Variants in MAPK10 observed in about 807,000 individuals in gnomAD.
MAPK10 encodes the protein mitogen-activated protein kinase 10.
Under a neutral mutation model 59.3 loss-of-function variants are expected in MAPK10, and 25 were observed. That is an observed-to-expected ratio of 0.42 (90% CI 0.31 to 0.59). The LOEUF (loss-of-function observed/expected upper bound fraction) is 0.59, where lower values mean the gene tolerates loss of function less well. MAPK10 is among the 20% of genes least tolerant of loss of function. The pLI is 0.15. For synonymous variants in MAPK10, 190 were observed against 200.5 expected (o/e 0.95, Z 0.44); for missense variants, 351 against 568.9 (o/e 0.62, Z 3.90).
intron 11 of MAPK10, 45 bp from the exon 12 acceptor site, chr4:86,031,476 C>T: frequency 7.5e-7 from 1 of 1,333,556 alleles, no homozygotes; most frequent in Non-Finnish European, 1.1e-6. Context: ...ATAATGTAAA[C>T]ATAACTAAAC....
intron 11 of MAPK10, among the ~76,000 whole-genome samples, chr4:86,048,997 G>A (rs988836704): frequency 3.9e-5 from 6 of 151,972 alleles, no homozygotes; most frequent in Middle Eastern, 3.4e-3. Flanking sequence ...AGTAAAAACC[G>A]CCCCTTCTAC....
At chr4:86,334,200 A>C (rs2096219902) in intron 2 of MAPK10, among the ~76,000 whole-genome samples, 1 of 152,198 alleles carries the variant, frequency 6.6e-6, no homozygotes, top group African/African-American at 2.4e-5. Context: ...CATCCAAGCC[A>C]GAAAGCAAGA....
rs1743108215 is a variant in MAPK10, at chr4:86,397,580, G to T, written c.-121-42936C>A. Among the ~76,000 whole-genome samples, 6 of 152,136 alleles carry T rather than the reference G, an allele frequency of 3.9e-5. No homozygotes were observed. In the South Asian group the frequency reaches 1.0e-3, roughly 26 times the overall value. On this transcript the variant is annotated intron_variant, in intron 1 of 13. Coordinates refer to the MAPK10 transcript ENST00000361569. ...TTCTCAAAGCATTGAGAACTCCCAGGAGTGCTTGTTAACTTCCCCTGGGCT... is the reference window on the plus strand; with the variant it reads ...TTCTCAAAGCATTGAGAACTCCCAGTAGTGCTTGTTAACTTCCCCTGGGCT...
chr4:86,034,256 T>C (rs2039711017), intron 11 of MAPK10, among the ~76,000 whole-genome samples: 2 of 152,232 alleles, frequency 1.3e-5, no homozygotes, highest in South Asian at 4.1e-4. Context: ...TAAACTTCTT[T>C]CATATTATTT....
chr4:86,086,482 T>C (rs2051885922), intron 9 of MAPK10, among the ~76,000 whole-genome samples: 1 of 152,200 alleles, frequency 6.6e-6, no homozygotes, highest in African/African-American at 2.4e-5. Context: ...TTATTATGCA[T>C]TGCATGCCTG....
intron 1 of MAPK10, among the ~76,000 whole-genome samples, chr4:86,591,365 T>TTAA (rs1554286216): frequency 6.6e-6 from 1 of 152,010 alleles, no homozygotes; most frequent in Non-Finnish European, 1.5e-5. Flanking sequence ...CATATGTTTT[T>TTAA]TTATTATTAT....
At chr4:86,107,799 T>C (rs1269266186) in intron 4 of MAPK10, 1 of 268,802 alleles carries the variant, frequency 3.7e-6, no homozygotes, top group Non-Finnish European at 5.7e-6. Context: ...GCTATAAAAT[T>C]TCATTGTTCT....
intron 9 of MAPK10, among the ~76,000 whole-genome samples, chr4:86,068,693 C>T (rs1276899897): frequency 1.3e-5 from 2 of 152,102 alleles, no homozygotes; most frequent in Non-Finnish European, 2.9e-5. Flanking sequence ...TTAGAAAGTA[C>T]ATTAAGCATG....
At chr4:86,375,335 C>A (rs1475636454) in intron 1 of MAPK10, among the ~76,000 whole-genome samples, 1 of 152,054 alleles carries the variant, frequency 6.6e-6, no homozygotes, top group African/African-American at 2.4e-5. Flanking sequence ...TTACTCACTA[C>A]CACAAGTAAC....
At chr4:86,255,429 G>T (rs1009763986) in intron 2 of MAPK10, among the ~76,000 whole-genome samples, 1 of 152,156 alleles carries the variant, frequency 6.6e-6, no homozygotes, top group Non-Finnish European at 1.5e-5. Flanking sequence ...ACAGGACACT[G>T]AGTCAGAGGA....
chr4:86,427,515 C>T (rs1340834494), intron 1 of MAPK10, among the ~76,000 whole-genome samples: 1 of 152,102 alleles, frequency 6.6e-6, no homozygotes, highest in East Asian at 1.9e-4. Flanking sequence ...TCTCATTTAT[C>T]TCTGAATCCA....
At chr4:86,086,199 A>G (rs138962911) in intron 9 of MAPK10, among the ~76,000 whole-genome samples, 4 of 152,274 alleles carry the variant, frequency 2.6e-5, no homozygotes, top group African/African-American at 7.2e-5. Flanking sequence ...TAAAAAATCA[A>G]AACAATTGAA....
At chr4:86,494,199 A>G (rs1754690849) in intron 1 of MAPK10, among the ~76,000 whole-genome samples, 1 of 152,196 alleles carries the variant, frequency 6.6e-6, no homozygotes, top group African/African-American at 2.4e-5. Context: ...GATCAACAAG[A>G]GGATGCAGCG....
At chr4:86,145,260 G>T (rs1312182239) in intron 4 of MAPK10, among the ~76,000 whole-genome samples, 2 of 91,826 alleles carry the variant, frequency 2.2e-5, no homozygotes, top group Non-Finnish European at 4.3e-5. Flanking sequence ...TACACGGGAG[G>T]CTGAGGCAGG....
chr4:86,403,835 C>CCTTGACA (rs1564808583), intron 1 of MAPK10, among the ~76,000 whole-genome samples: 1 of 152,128 alleles, frequency 6.6e-6, no homozygotes, highest in Non-Finnish European at 1.5e-5. Flanking sequence ...CAGGTCCCTC[C>CCTTGACA]CTTGACACGT....
chr4:86,081,500 G>GAA (rs547398888), intron 9 of MAPK10: 1 of 147,266 alleles, frequency 6.8e-6, no homozygotes, highest in East Asian at 2.0e-4. Context: ...CTAATCAACA[G>GAA]AAAAAAAAAG....
intron 2 of MAPK10, chr4:86,325,801 G>A (rs1448517039): frequency 6.6e-6 from 1 of 151,916 alleles, no homozygotes; most frequent in Admixed American, 6.6e-5. Flanking sequence ...GTATCAAATA[G>A]GATAAATTAT....
chr4:86,102,241 A>G (rs12640395), intron 6 of MAPK10: 378,173 of 456,980 alleles, frequency 0.83, 157,168 homozygotes, highest in East Asian at 0.92. Flanking sequence ...GCATTTATTA[A>G]TGTCTGGTTC....
At chr4:86,247,721 C>T (rs945383231) in intron 2 of MAPK10, among the ~76,000 whole-genome samples, 8 of 152,058 alleles carry the variant, frequency 5.3e-5, no homozygotes, top group African/African-American at 1.9e-4. Context: ...GTTTGGAGGA[C>T]TTGATGAGTG....
Sources: gnomAD v4.1 joint callset for allele counts (sites outside exome capture counted in the v4.1 genomes callset) on GRCh38, gnomAD v4.1.1 for gene constraint, MANE v1.5 for transcripts, NCBI Gene and HGNC (gene_info 2026-07-23, HGNC 2026-07-21) for gene names.